SLC24A2: variants seen among roughly 807,000 people sequenced by gnomAD.
SLC24A2 encodes the protein solute carrier family 24 member 2.
Under a neutral mutation model 62.0 loss-of-function variants are expected in SLC24A2, and 36 were observed. The observed-to-expected ratio is 0.58, with a 90% CI of 0.44 to 0.77. The LOEUF (loss-of-function observed/expected upper bound fraction) is 0.77, where lower values mean the gene tolerates loss of function less well. Among genes scored for constraint, SLC24A2 ranks in the 30% least tolerant of loss-of-function variants. SLC24A2 has a pLI of 0.00. For synonymous variants in SLC24A2, 358 were observed against 294.0 expected, an observed-to-expected ratio of 1.22 and a Z score of -2.23; for missense variants, 846 against 817.9, an observed-to-expected ratio of 1.03 and a Z score of -0.42.
At chr9:19,856,946 A>T in the SLC24A2 span, among the ~76,000 whole-genome samples, 1 of 152,224 alleles carries the variant, frequency 6.6e-6, no homozygotes, top group Non-Finnish European at 1.5e-5. Context: ...CACAGAGACC[A>T]CCACCGCCAT....
At chr9:19,570,953 C>T (rs1409178005) in intron 7 of SLC24A2, among the ~76,000 whole-genome samples, 2 of 152,190 alleles carry the variant, frequency 1.3e-5, no homozygotes, top group East Asian at 3.9e-4. Context: ...ACAAATCTGT[C>T]CTGTTCCCCT....
chr9:20,250,119 T>G, the SLC24A2 span, among the ~76,000 whole-genome samples: 2 of 152,224 alleles, frequency 1.3e-5, no homozygotes, highest in African/African-American at 4.8e-5. Context: ...AGTCTTTCTA[T>G]GCATAGTATC....
At chr9:19,595,191 ACT>A in intron 5 of SLC24A2, among the ~76,000 whole-genome samples, 1 of 152,284 alleles carries the variant, frequency 6.6e-6, no homozygotes, top group South Asian at 2.1e-4. Context: ...CATAATGAAA[ACT>A]CTGAGAAGTC....
chr9:20,172,915 A>T, the SLC24A2 span, among the ~76,000 whole-genome samples: 1 of 152,022 alleles, frequency 6.6e-6, no homozygotes, highest in African/African-American at 2.4e-5. Context: ...CTTAATGAAC[A>T]TATATACAAA....
At chr9:19,960,621 A>G in the SLC24A2 span, among the ~76,000 whole-genome samples, 3 of 152,214 alleles carry the variant, frequency 2.0e-5, no homozygotes, top group African/African-American at 4.8e-5. Context: ...TGAGCGACAA[A>G]CATACACACC....
At chr9:20,298,255 G>A in the SLC24A2 span, among the ~76,000 whole-genome samples, 3 of 152,200 alleles carry the variant, frequency 2.0e-5, no homozygotes, top group Admixed American at 6.5e-5. Context: ...TTGAGATGGA[G>A]TCTTACTCTT....
chr9:19,807,842 G>T, the SLC24A2 span, among the ~76,000 whole-genome samples: 1 of 152,168 alleles, frequency 6.6e-6, no homozygotes, highest in African/African-American at 2.4e-5. Flanking sequence ...CAGGGTCAGA[G>T]CCTCAGAACC....
the SLC24A2 span, among the ~76,000 whole-genome samples, chr9:19,963,368 G>A: frequency 6.6e-6 from 1 of 151,444 alleles, no homozygotes; most frequent in African/African-American, 2.4e-5. Context: ...ATTGACAAAT[G>A]GGATCTCATT....
chr9:20,157,526 A>G, the SLC24A2 span, among the ~76,000 whole-genome samples: 2 of 151,698 alleles, frequency 1.3e-5, no homozygotes, highest in Non-Finnish European at 3.0e-5. Flanking sequence ...TACTGAGCAC[A>G]TATCTGGGAC....
chr9:19,809,826 G>A, the SLC24A2 span, among the ~76,000 whole-genome samples: 1 of 152,050 alleles, frequency 6.6e-6, no homozygotes, highest in African/African-American at 2.4e-5. Flanking sequence ...TCAGCCACCT[G>A]CTGGTCTTTC....
the SLC24A2 span, among the ~76,000 whole-genome samples, chr9:19,845,737 T>A: frequency 6.6e-6 from 1 of 152,198 alleles, no homozygotes; most frequent in Non-Finnish European, 1.5e-5. Context: ...TGCTATAAGC[T>A]TTCCTCTTAA....
the SLC24A2 span, among the ~76,000 whole-genome samples, chr9:19,993,069 AC>A: frequency 2.6e-5 from 4 of 152,160 alleles, no homozygotes; most frequent in Non-Finnish European, 5.9e-5. Context: ...ATAGATATTA[AC>A]CTTCAACCCC....
intron 6 of SLC24A2, among the ~76,000 whole-genome samples, chr9:19,575,366 G>A (rs1835977533): frequency 6.6e-6 from 1 of 152,126 alleles, no homozygotes; most frequent in South Asian, 2.1e-4. Flanking sequence ...GCCTGCAATG[G>A]TCAAATTGAC....
intron 2 of SLC24A2, among the ~76,000 whole-genome samples, chr9:19,753,077 C>T (rs1822033316): frequency 6.6e-6 from 1 of 152,206 alleles, no homozygotes; most frequent in African/African-American, 2.4e-5. Context: ...CCTAGATCCA[C>T]ATTTTATCAT....
chr9:19,787,013 A>G lies in SLC24A2; in HGVS notation c.-147T>C, dbSNP rs1823195748. The stretch of plus-strand genomic sequence containing the variant: ...TTATGCTTCACAGGAAACTTTCATC[A>G]TTTATGCTTAAATAAAAATAAAAAC... On this transcript the variant is annotated 5_prime_UTR_variant, in exon 2 of 11. An upstream start codon of the reference 5' UTR is lost. Coordinates refer to ENST00000341998, the MANE Select transcript of SLC24A2 (RefSeq NM_020344.4). The G allele has an allele frequency of 7.1e-7, 1 of 1,398,874 alleles. No individual in the cohort carries two copies. The highest frequency in any genetic ancestry group is 1.8e-5 in the South Asian group (1 of 54,542). 86.7% of individuals were successfully genotyped at this position (1,398,874 alleles called of 1,614,324 possible).
chr9:20,058,389 G>A, the SLC24A2 span, among the ~76,000 whole-genome samples: 2 of 152,038 alleles, frequency 1.3e-5, no homozygotes, highest in Non-Finnish European at 2.9e-5. Flanking sequence ...GTGACACACA[G>A]AGGAATAAAC....
At chr9:19,568,556 C>T (rs1210014997) in intron 7 of SLC24A2, among the ~76,000 whole-genome samples, 1 of 152,198 alleles carries the variant, frequency 6.6e-6, no homozygotes. Context: ...CACAACAGTG[C>T]TATGAGATAG....
At chr9:19,873,472 T>G in the SLC24A2 span, among the ~76,000 whole-genome samples, 1 of 150,440 alleles carries the variant, frequency 6.6e-6, no homozygotes, top group African/African-American at 2.5e-5. Context: ...TTTTTCTTTC[T>G]CTCTCTCCTT....
At chr9:20,041,154 G>GTGCGCGCA in the SLC24A2 span, among the ~76,000 whole-genome samples, 1 of 151,776 alleles carries the variant, frequency 6.6e-6, no homozygotes, top group African/African-American at 2.4e-5. Flanking sequence ...GTGTGTACGC[G>GTGCGCGCA]TGCGCGCGTG....
Sources: allele counts gnomAD v4.1 joint callset (sites outside exome capture counted in the v4.1 genomes callset), GRCh38; gene constraint gnomAD v4.1.1; transcripts MANE v1.5; gene names NCBI Gene and HGNC (gene_info 2026-07-23, HGNC 2026-07-21).